FNTB: variants seen among roughly 807,000 people sequenced by gnomAD.
FNTB encodes farnesyltransferase, CAAX box, subunit beta, also known as protein farnesyltransferase subunit beta.
FNTB carries 27 observed loss-of-function variants against 59.4 expected under a neutral mutation model. The ratio of observed to expected loss-of-function variants is 0.45; its 90% CI spans 0.34 to 0.63. The LOEUF (loss-of-function observed/expected upper bound fraction) is 0.63, where lower values mean the gene tolerates loss of function less well. FNTB is among the 20% of genes least tolerant of loss of function. FNTB has a pLI of 0.02. For synonymous variants in FNTB, 230 were observed against 220.7 expected (o/e 1.04, Z -0.37); for missense variants, 449 against 559.6 (o/e 0.80, Z 1.99).
At chr14:65,036,188 A>G (rs1393140652) in intron 7 of FNTB, among the ~76,000 whole-genome samples, 1 of 152,112 alleles carries the variant, frequency 6.6e-6, no homozygotes, top group Admixed American at 6.6e-5. Context: ...TCTGTGTCAT[A>G]GTTTCCTTAT....
intron 4 of FNTB, among the ~76,000 whole-genome samples, chr14:65,026,913 C>T (rs957017240): frequency 6.6e-6 from 1 of 151,870 alleles, no homozygotes; most frequent in Non-Finnish European, 1.5e-5. Flanking sequence ...GAGTAGAAAT[C>T]AGTGGCCCAC....
At chr14:65,010,784 C>T (rs2061670488) in intron 2 of FNTB, among the ~76,000 whole-genome samples, 1 of 152,088 alleles carries the variant, frequency 6.6e-6, no homozygotes, top group Non-Finnish European at 1.5e-5. Flanking sequence ...GGCAGTACTC[C>T]TGCTTTCCTC....
Position 65,012,437 on chromosome 14 carries a change from C to T in FNTB, c.282+48C>T. 1.2e-6 allele frequency: 2 copies of T among 1,610,026 alleles called. No homozygotes were observed. Among genetic ancestry groups the T allele is most frequent in the Non-Finnish European group, 1.7e-6 (2 of 1,176,696 alleles). ...CTTGCTGTCAAATTATCCACCAAAT[C>T]CTCCTCCTTTTTCTATTTAAACGTA... On this transcript the variant is annotated intron_variant, in intron 3 of 11. Coordinates refer to ENST00000246166, the MANE Select transcript of FNTB (RefSeq NM_002028.4). This position sits in a 1 kb window ranked among gnomAD's most constrained non-coding sequence, Gnocchi z 5.0.
In FNTB at chr14:65,040,016, C is replaced by G. The variant is rs145742059; in HGVS notation, c.693-774C>G. Among the ~76,000 whole-genome samples, 298 of 152,002 alleles carry G rather than the reference C, an allele frequency of 2.0e-3. 2 individuals carry two copies. Among genetic ancestry groups the G allele is most frequent in the African/African-American group, 6.9e-3 (285 of 41,462 alleles). The stretch of plus-strand genomic sequence containing the variant: ...CCAGCCTGGGTAACATGGCAATGCC[C>G]CATCTCTACAAAAAATACAAAAAAT... On this transcript the variant is annotated intron_variant, in intron 7 of 11. Coordinates refer to ENST00000246166, the MANE Select transcript of FNTB (RefSeq NM_002028.4).
intron 2 of FNTB, among the ~76,000 whole-genome samples, chr14:65,005,346 GAA>G (rs2061563152): frequency 6.6e-6 from 1 of 151,862 alleles, no homozygotes; most frequent in African/African-American, 2.4e-5. Flanking sequence ...GTCTTTTTTT[GAA>G]ACCATTATTT....
chr14:65,019,056 GCTCCT>G (rs2061836056), intron 4 of FNTB, among the ~76,000 whole-genome samples: 8 of 151,964 alleles, frequency 5.3e-5, no homozygotes, highest in Admixed American at 4.6e-4. Flanking sequence ...TGCACTCCCG[GCTCCT>G]ACTCAGGAGG....
Position 65,054,495 on chromosome 14 carries a change from G to T in FNTB, c.1068-80G>T. ...GGGGGGGACGTGTGATTGCACCAGTGGTCTCTGAATTGGTGTGGCTACATT... is the reference window on the plus strand; with the variant it reads ...GGGGGGGACGTGTGATTGCACCAGTTGTCTCTGAATTGGTGTGGCTACATT... On this transcript the variant is annotated intron_variant, in intron 10 of 11. Transcript: ENST00000246166. The surrounding 1 kb of genome is among the most constrained non-coding windows in gnomAD (Gnocchi z 4.4). 7.2e-7 allele frequency: 1 copy of T among 1,381,094 alleles called. No individual in the cohort carries two copies. The highest frequency in any genetic ancestry group is 1.0e-6 in the Non-Finnish European group (1 of 998,592). The allele number at this position is 1,381,094 out of a possible 1,614,324, so 85.6% of individuals were successfully genotyped here.
At position 65,009,912 on chromosome 14, in the gene FNTB, G is replaced by A. The variant is rs1413211379; in HGVS notation, c.210-2405G>A. Among the ~76,000 whole-genome samples the A allele has an allele frequency of 1.3e-5, 2 of 152,268 alleles. No individual in the cohort carries two copies. The highest frequency in any genetic ancestry group is 3.9e-4 in the East Asian group (2 of 5,178). ...TCACATGTGTGTCCACCTCTGGACT[G>A]TCGCTCTAGGGTACAGAGCAGCCTC... On this transcript the variant is annotated intron_variant, in intron 2 of 11. Transcript: ENST00000246166. This position sits in a 1 kb window ranked among gnomAD's most constrained non-coding sequence, Gnocchi z 4.2.
chr14:65,046,852 G>GCTT (rs58403603), intron 9 of FNTB, among the ~76,000 whole-genome samples: 85,834 of 151,476 alleles, frequency 0.57, 24,952 homozygotes, highest in African/African-American at 0.69. Flanking sequence ...GGTGATGTTT[G>GCTT]CTTCTGTTTG....
chr14:65,058,460 C>T (rs1366400040), intron 11 of FNTB, among the ~76,000 whole-genome samples: 1 of 151,980 alleles, frequency 6.6e-6, no homozygotes, highest in Non-Finnish European at 1.5e-5. Context: ...TTTTATTTTT[C>T]TTGCCTTGTA....
chr14:64,994,845 G>C lies in FNTB; in HGVS notation c.144+7748G>C, dbSNP rs1220841546. Among the ~76,000 whole-genome samples the C allele has an allele frequency of 6.6e-6, 1 of 152,096 alleles. No individual in the cohort carries two copies. Among genetic ancestry groups the C allele is most frequent in the African/African-American group, 2.4e-5 (1 of 41,402 alleles). The stretch of plus-strand genomic sequence containing the variant: ...ATAAAAATAAACACGGTATGCTTAA[G>C]CTACACTAAATTTATTCATACGCTT... On this transcript the variant is annotated intron_variant, in intron 1 of 11. Transcript: ENST00000246166. This position sits in a 1 kb window ranked among gnomAD's most constrained non-coding sequence, Gnocchi z 4.2.
Position 64,987,041 on chromosome 14 carries a change from C to T in FNTB, c.88C>T (p.His30Tyr), listed in dbSNP as rs866620194. 1 of 1,614,228 alleles carries T rather than the reference C, an allele frequency of 6.2e-7. No individual in the cohort carries two copies. The highest frequency in any genetic ancestry group is 8.5e-7 in the Non-Finnish European group (1 of 1,180,042). ...SEPLYSLRPE[H>Y]ARERLQDDSV... ...GCCGCTGTACAGTCTGAGGCCCGAG[C>T]ACGCGCGAGAGCGGTTGCAGGACGA... Residue 30 changes from histidine (H) to tyrosine (Y), a missense_variant, in exon 1 of 12, where the codon CAC becomes TAC. Around this residue, in one of 2 missense-constraint regions of FNTB, gnomAD observed 112 missense variants for 80.5 expected, o/e 1.39. Transcript: ENST00000246166.
chr14:65,060,697 CAAAA>C (rs59036615), intron 11 of FNTB, among the ~76,000 whole-genome samples: 6 of 48,606 alleles, frequency 1.2e-4, no homozygotes, highest in Middle Eastern at 0.011. Flanking sequence ...GACTCCGTCT[CAAAA>C]AAAAAAAAAA....
chr14:64,988,022 C>T (rs1286306758), intron 1 of FNTB, among the ~76,000 whole-genome samples: 1 of 152,134 alleles, frequency 6.6e-6, no homozygotes, highest in Non-Finnish European at 1.5e-5. Context: ...CCAGGCTTTA[C>T]CTTGGAGAGA....
At chr14:64,989,082 G>C (rs1888074792) in intron 1 of FNTB, among the ~76,000 whole-genome samples, 1 of 152,084 alleles carries the variant, frequency 6.6e-6, no homozygotes, top group Admixed American at 6.5e-5. Flanking sequence ...GTTGTTTACA[G>C]AGGATATACT....
intron 8 of FNTB, among the ~76,000 whole-genome samples, chr14:65,042,202 G>A (rs575186239): frequency 5.3e-5 from 8 of 152,148 alleles, no homozygotes; most frequent in Non-Finnish European, 8.8e-5. Flanking sequence ...GGTGGGACGG[G>A]GGGTGATGGC....
chr14:65,012,482 C>G lies in FNTB; in HGVS notation c.282+93C>G. 2.0e-6 allele frequency: 3 copies of G among 1,516,684 alleles called. No individual in the cohort carries two copies. Among genetic ancestry groups the G allele is most frequent in the Non-Finnish European group, 2.7e-6 (3 of 1,109,612 alleles). 94.0% of individuals were successfully genotyped at this position (1,516,684 alleles called of 1,614,324 possible). On this transcript the variant is annotated intron_variant, in intron 3 of 11. Transcript: ENST00000246166. The surrounding 1 kb of genome is among the most constrained non-coding windows in gnomAD (Gnocchi z 5.0). ...AACGTAAAAGACTGTTGGGGCTGACCTGTTGCAGAGTCACTCTTTGTTCTC... is the reference window on the plus strand; with the variant it reads ...AACGTAAAAGACTGTTGGGGCTGACGTGTTGCAGAGTCACTCTTTGTTCTC...
chr14:65,005,463 TTCTTTCTTTCTTTCTTTC>T (rs2061567390), intron 2 of FNTB, among the ~76,000 whole-genome samples: 1 of 127,276 alleles, frequency 7.9e-6, no homozygotes. Context: ...CTTTCTTTCT[TTCTTTCTTTCTTTCTTTC>T]TTTCTTTCTT....
intron 1 of FNTB, among the ~76,000 whole-genome samples, chr14:64,995,163 A>C (rs755819930): frequency 6.6e-6 from 1 of 152,142 alleles, no homozygotes; most frequent in Non-Finnish European, 1.5e-5. Context: ...ACTGCCTTCC[A>C]TCTCCACATT....
Sources: gnomAD v4.1 joint callset for allele counts (sites outside exome capture counted in the v4.1 genomes callset) on GRCh38, gnomAD v4.1.1 for gene constraint, gnomAD v4.1.1 regional missense constraint, Gnocchi (gnomAD v3.1) non-coding constraint, MANE v1.5 for transcripts, NCBI Gene and HGNC (gene_info 2026-07-23, HGNC 2026-07-21) for gene names.